Variants in SYNDIG1 observed in about 807,000 individuals in gnomAD.
SYNDIG1 encodes synapse differentiation inducing 1.
Under a neutral mutation model 19.4 loss-of-function variants are expected in SYNDIG1, and 9 were observed. The ratio of observed to expected loss-of-function variants is 0.46; its 90% confidence interval spans 0.28 to 0.81. SYNDIG1 has a LOEUF of 0.81. Ranked by LOEUF, SYNDIG1 falls within the 30% of genes least tolerant of loss-of-function variation. The pLI is 0.12. For missense variants in SYNDIG1, 311 were observed against 343.3 expected (o/e 0.91, Z 0.74); for synonymous variants, 141 against 145.9 (o/e 0.97, Z 0.24).
At chr20:24,544,819 A>T (rs1363255277) in intron 2 of SYNDIG1, among the ~76,000 whole-genome samples, 1 of 152,174 alleles carries the variant, frequency 6.6e-6, no homozygotes, top group Non-Finnish European at 1.5e-5. Context: ...CCCATTCTAG[A>T]AAAGACTCCT....
At position 24,573,520 on chromosome 20, in the gene SYNDIG1, A is replaced by C. The variant is rs572118847; in HGVS notation, c.481-11336A>C. Among the ~76,000 whole-genome samples the C allele has an allele frequency of 1.3e-4, 20 of 152,368 alleles. 1 individual carries two copies. Among genetic ancestry groups the C allele is most frequent in the African/African-American group, 4.8e-4 (20 of 41,590 alleles). Reference sequence around the variant, plus strand: ...ATCCACACTGTGAAAATAAAAACATACGAGAATGAAAAAGAAGGAGAAAAC... The same window carrying C: ...ATCCACACTGTGAAAATAAAAACATCCGAGAATGAAAAAGAAGGAGAAAAC... On this transcript the variant is annotated intron_variant, in intron 2 of 3. Transcript: ENST00000376862.
At chr20:24,628,929 C>T (rs1883923) in intron 3 of SYNDIG1, among the ~76,000 whole-genome samples, 1 of 152,070 alleles carries the variant, frequency 6.6e-6, no homozygotes, top group Admixed American at 6.5e-5. Context: ...TTCTAAAGCC[C>T]CCCATATGGA....
At chr20:24,592,239 G>T (rs947711352) in intron 3 of SYNDIG1, among the ~76,000 whole-genome samples, 1 of 152,158 alleles carries the variant, frequency 6.6e-6, no homozygotes, top group African/African-American at 2.4e-5. Context: ...TGGGATTTGG[G>T]TGTGAAAACT....
intron 1 of SYNDIG1, among the ~76,000 whole-genome samples, chr20:24,483,211 A>T (rs536074085): frequency 6.6e-6 from 1 of 152,306 alleles, no homozygotes; most frequent in South Asian, 2.1e-4. Context: ...GTGACGCAGC[A>T]GGAGTCCAAG....
At chr20:24,515,742 T>A (rs1318081875) in intron 1 of SYNDIG1, among the ~76,000 whole-genome samples, 1 of 152,158 alleles carries the variant, frequency 6.6e-6, no homozygotes, top group East Asian at 1.9e-4. Flanking sequence ...AGAATCAATA[T>A]TGTGAAAATG....
intron 1 of SYNDIG1, among the ~76,000 whole-genome samples, chr20:24,486,144 G>A (rs2055950281): frequency 1.3e-5 from 2 of 152,220 alleles, no homozygotes; most frequent in South Asian, 4.1e-4. Flanking sequence ...TCACAGGGTA[G>A]GTGTGGGAAG....
intron 1 of SYNDIG1, among the ~76,000 whole-genome samples, chr20:24,483,405 A>G (rs1949236149): frequency 6.6e-6 from 1 of 152,250 alleles, no homozygotes; most frequent in Non-Finnish European, 1.5e-5. Context: ...AAAAAAACCC[A>G]AAAGTTTAGA....
chr20:24,664,134 G>A (rs934713131), intron 3 of SYNDIG1, among the ~76,000 whole-genome samples: 5 of 151,878 alleles, frequency 3.3e-5, no homozygotes, highest in African/African-American at 7.3e-5. Context: ...TTAGAGGAGC[G>A]AGAAGGAAGC....
chr20:24,640,525 GGAA>G (rs879606104), intron 3 of SYNDIG1, among the ~76,000 whole-genome samples: 1,778 of 110,440 alleles, frequency 0.016, 61 homozygotes, highest in East Asian at 0.13. Flanking sequence ...AAGGAAGGAA[GGAA>G]GGAGCTTTTC....
At chr20:24,567,012 T>C (rs2058056269) in intron 2 of SYNDIG1, among the ~76,000 whole-genome samples, 2 of 152,192 alleles carry the variant, frequency 1.3e-5, no homozygotes, top group African/African-American at 4.8e-5. Context: ...CCTGACCCCT[T>C]GTAGCTCCTT....
intron 3 of SYNDIG1, among the ~76,000 whole-genome samples, chr20:24,598,809 C>CTTTATCTT (rs1359042768): frequency 6.6e-6 from 1 of 152,132 alleles, no homozygotes; most frequent in African/African-American, 2.4e-5. Flanking sequence ...CTATGTAGAC[C>CTTTATCTT]TTTATCTTTC....
chr20:24,476,274 C>G (rs995425059), intron 1 of SYNDIG1, among the ~76,000 whole-genome samples: 1 of 152,158 alleles, frequency 6.6e-6, no homozygotes, highest in African/African-American at 2.4e-5. Flanking sequence ...CTCACAAAGA[C>G]AGGTTTTTGT....
chr20:24,481,137 A>G (rs548437636), intron 1 of SYNDIG1, among the ~76,000 whole-genome samples: 2 of 151,448 alleles, frequency 1.3e-5, no homozygotes, highest in Non-Finnish European at 2.9e-5. Flanking sequence ...TTGCCACAAT[A>G]AAAAAAAACT....
intron 3 of SYNDIG1, among the ~76,000 whole-genome samples, chr20:24,643,652 T>C (rs1223933613): frequency 5.3e-5 from 8 of 152,268 alleles, no homozygotes. Flanking sequence ...TAATCCATCA[T>C]AATCTGCATT....
At chr20:24,478,355 T>C (rs2055694877) in intron 1 of SYNDIG1, among the ~76,000 whole-genome samples, 1 of 152,194 alleles carries the variant, frequency 6.6e-6, no homozygotes, top group Non-Finnish European at 1.5e-5. Flanking sequence ...TTATTCTGTG[T>C]GACTCCCTCG....
chr20:24,547,300 G>T (rs1435594627), intron 2 of SYNDIG1, among the ~76,000 whole-genome samples: 2 of 152,236 alleles, frequency 1.3e-5, no homozygotes, highest in African/African-American at 4.8e-5. Flanking sequence ...GTCCGAAGAG[G>T]TCGGCCTGTC....
At chr20:24,568,251 T>G (rs2058087261) in intron 2 of SYNDIG1, among the ~76,000 whole-genome samples, 1 of 152,218 alleles carries the variant, frequency 6.6e-6, no homozygotes, top group Non-Finnish European at 1.5e-5. Flanking sequence ...GCTTTCTTTT[T>G]GTTTCAGGTA....
intron 3 of SYNDIG1, among the ~76,000 whole-genome samples, chr20:24,636,045 A>T (rs1459343071): frequency 2.6e-5 from 4 of 152,318 alleles, no homozygotes; most frequent in African/African-American, 7.2e-5. Flanking sequence ...TGTCTTTCCA[A>T]CACTGCTTGT....
intron 1 of SYNDIG1, among the ~76,000 whole-genome samples, chr20:24,497,417 T>A (rs979336653): frequency 6.6e-6 from 1 of 152,210 alleles, no homozygotes; most frequent in Non-Finnish European, 1.5e-5. Flanking sequence ...GTCAGGCTGG[T>A]CTTGAACTCC....
Sources: gnomAD v4.1 joint callset for allele counts (sites outside exome capture counted in the v4.1 genomes callset) on GRCh38, gnomAD v4.1.1 for gene constraint, MANE v1.5 for transcripts, NCBI Gene and HGNC (gene_info 2026-07-23, HGNC 2026-07-21) for gene names.